CFAP95: variants seen among roughly 807,000 people sequenced by gnomAD.
The protein encoded by CFAP95 is cilia and flagella associated protein 95, also known as cilia- and flagella-associated protein 95.
At chr9:69,849,494 T>C in the CFAP95 span, among the ~76,000 whole-genome samples, 8 of 152,044 alleles carry the variant, frequency 5.3e-5, no homozygotes, top group Non-Finnish European at 1.2e-4. Context: ...AATTCAAAAA[T>C]TGGTGCCTGT....
At chr9:69,884,042 C>A in the CFAP95 span, among the ~76,000 whole-genome samples, 5 of 151,944 alleles carry the variant, frequency 3.3e-5, no homozygotes, top group Non-Finnish European at 7.4e-5. Context: ...ATAAATTTCC[C>A]TCTTAGTACT....
the CFAP95 span, among the ~76,000 whole-genome samples, chr9:69,831,835 C>T: frequency 6.6e-6 from 1 of 152,096 alleles, no homozygotes; most frequent in East Asian, 1.9e-4. Flanking sequence ...TGCGTAATGA[C>T]TGGTATCTTG....
At chr9:69,854,678 G>C in the CFAP95 span, among the ~76,000 whole-genome samples, 1 of 152,238 alleles carries the variant, frequency 6.6e-6, no homozygotes, top group African/African-American at 2.4e-5. Context: ...GCTGCAATGA[G>C]CTCCTTGCCT....
chr9:69,894,539 A>G, the CFAP95 span, among the ~76,000 whole-genome samples: 3 of 152,218 alleles, frequency 2.0e-5, no homozygotes, highest in African/African-American at 4.8e-5. Flanking sequence ...GTTATCTTAC[A>G]TGTATTAGCT....
At chr9:69,839,424 T>A in the CFAP95 span, among the ~76,000 whole-genome samples, 1 of 151,962 alleles carries the variant, frequency 6.6e-6, no homozygotes, top group South Asian at 2.1e-4. Context: ...CTGTTATTGG[T>A]CTATTCAGAG....
At chr9:69,838,629 TG>T in the CFAP95 span, among the ~76,000 whole-genome samples, 1 of 151,992 alleles carries the variant, frequency 6.6e-6, no homozygotes, top group African/African-American at 2.4e-5. Flanking sequence ...AAGGAGATTT[TG>T]GGCTGAGACA....
chr9:69,844,106 G>A, the CFAP95 span, among the ~76,000 whole-genome samples: 1 of 152,058 alleles, frequency 6.6e-6, no homozygotes, highest in Non-Finnish European at 1.5e-5. Flanking sequence ...ATACTTTGCT[G>A]TCTTGTTTTG....
At chr9:69,894,500 T>C in the CFAP95 span, among the ~76,000 whole-genome samples, 1 of 152,182 alleles carries the variant, frequency 6.6e-6, no homozygotes, top group African/African-American at 2.4e-5. Flanking sequence ...GTAACACTTA[T>C]TGTCTACCAT....
chr9:69,878,807 T>C, the CFAP95 span, among the ~76,000 whole-genome samples: 1,002 of 152,334 alleles, frequency 6.6e-3, 11 homozygotes, highest in African/African-American at 0.023. Flanking sequence ...AGAGGTTTAA[T>C]TGGCTCACAG....
chr9:69,890,743 G>A, the CFAP95 span, among the ~76,000 whole-genome samples: 1 of 152,154 alleles, frequency 6.6e-6, no homozygotes, highest in Non-Finnish European at 1.5e-5. Context: ...CTCAAATGTT[G>A]TGCATAAATT....
the CFAP95 span, among the ~76,000 whole-genome samples, chr9:69,841,390 A>G: frequency 6.6e-6 from 1 of 151,686 alleles, no homozygotes; most frequent in African/African-American, 2.4e-5. Context: ...CCAGCAGGTA[A>G]CAAAAGAGCC....
At chr9:69,862,847 C>G in the CFAP95 span, among the ~76,000 whole-genome samples, 1 of 152,132 alleles carries the variant, frequency 6.6e-6, no homozygotes, top group Non-Finnish European at 1.5e-5. Flanking sequence ...GTGAAGAAGA[C>G]ATAACACCTT....
the CFAP95 span, among the ~76,000 whole-genome samples, chr9:69,873,824 T>C: frequency 3.3e-5 from 5 of 152,206 alleles, no homozygotes; most frequent in East Asian, 3.8e-4. Flanking sequence ...TAAGAAGCTG[T>C]GATTCTGTGG....
the CFAP95 span, among the ~76,000 whole-genome samples, chr9:69,839,347 G>C: frequency 2.0e-5 from 3 of 149,810 alleles, no homozygotes; most frequent in Admixed American, 2.0e-4. Flanking sequence ...GAATTCGGCT[G>C]TGAATCCATC....
chr9:69,863,552 C>T, the CFAP95 span, among the ~76,000 whole-genome samples: 1 of 152,032 alleles, frequency 6.6e-6, no homozygotes, highest in Admixed American at 6.5e-5. Context: ...ATCAAAAGGC[C>T]CCAGTATATC....
At chr9:69,823,978 T>G in the CFAP95 span, among the ~76,000 whole-genome samples, 1 of 152,158 alleles carries the variant, frequency 6.6e-6, no homozygotes, top group Non-Finnish European at 1.5e-5. Flanking sequence ...CATCTAGATG[T>G]GTACGTGCAG....
chr9:69,828,335 C>T, the CFAP95 span, among the ~76,000 whole-genome samples: 2 of 152,108 alleles, frequency 1.3e-5, no homozygotes, highest in Admixed American at 1.3e-4. Context: ...AAATATTAAT[C>T]TCAAGTATAA....
chr9:69,857,922 C>T, the CFAP95 span: 2 of 1,613,848 alleles, frequency 1.2e-6, no homozygotes, highest in Non-Finnish European at 8.5e-7. Context: ...CACCGGATTG[C>T]CTGCCACAGG....
the CFAP95 span, among the ~76,000 whole-genome samples, chr9:69,856,009 C>A: frequency 6.6e-6 from 1 of 152,100 alleles, no homozygotes; most frequent in South Asian, 2.1e-4. Flanking sequence ...AATATTGAAT[C>A]CCTTACATCC....
Sources: gnomAD v4.1 joint callset for allele counts (sites outside exome capture counted in the v4.1 genomes callset) on GRCh38, gnomAD v4.1.1 for gene constraint, MANE v1.5 for transcripts, NCBI Gene and HGNC (gene_info 2026-07-23, HGNC 2026-07-21) for gene names.